Variants in R3HCC1L observed in about 807,000 individuals in gnomAD.
R3HCC1L encodes the protein coiled-coil domain-containing protein R3HCC1L.
R3HCC1L carries 51 observed loss-of-function variants against 59.9 expected under a neutral mutation model. The observed-to-expected ratio is 0.85, with a 90% CI of 0.68 to 1.07. The LOEUF is 1.07. Among genes scored for constraint, R3HCC1L ranks in the 50% least tolerant of loss-of-function variants. R3HCC1L has a pLI of 0.00. For synonymous variants in R3HCC1L, 322 were observed against 315.2 expected (o/e 1.02, Z -0.23); for missense variants, 965 against 933.0 (o/e 1.03, Z -0.45).
chr10:98,235,937 G>C (rs1856891429), intron 8 of R3HCC1L, 87 bp from the exon 9 acceptor site: 6 of 1,404,010 alleles, frequency 4.3e-6, no homozygotes, highest in Non-Finnish European at 5.9e-6. Flanking sequence ...AGTCTATTTT[G>C]TATGTTAATT....
At chr10:98,166,242 A>G (rs573368108) in intron 4 of R3HCC1L, among the ~76,000 whole-genome samples, 11 of 152,324 alleles carry the variant, frequency 7.2e-5, no homozygotes, top group African/African-American at 2.6e-4. Flanking sequence ...TGAGAATACA[A>G]TGGGAAATCA....
At chr10:98,154,355 C>T (rs1375254970) in intron 1 of R3HCC1L, among the ~76,000 whole-genome samples, 5 of 152,022 alleles carry the variant, frequency 3.3e-5, no homozygotes, top group Non-Finnish European at 4.4e-5. Context: ...CTGGTGTGTG[C>T]AGATATATAT....
At chr10:98,213,606 CAA>C (rs779713136) in intron 5 of R3HCC1L, among the ~76,000 whole-genome samples, 28 of 152,228 alleles carry the variant, frequency 1.8e-4, no homozygotes, top group Non-Finnish European at 3.5e-4. Context: ...TAGAATTAAA[CAA>C]GAGATTATAG....
rs576428522 is a variant in R3HCC1L, at chr10:98,214,915, C to G, written c.1785+5016C>G. On this transcript the variant is annotated intron_variant, in intron 5 of 9. Transcript: ENST00000298999. ...ACATTGATTTAGCGGTCTAGTCTAG[C>G]TCTAGTCTAGTCTAGCCTACAATCT... Among the ~76,000 whole-genome samples the G allele has an allele frequency of 9.2e-5, 14 of 152,298 alleles. No individual in the cohort carries two copies. In the South Asian group the frequency reaches 1.0e-3, roughly 11 times the overall value.
At chr10:98,164,660 C>A (rs1038088035) in intron 4 of R3HCC1L, among the ~76,000 whole-genome samples, 1 of 152,040 alleles carries the variant, frequency 6.6e-6, no homozygotes, top group South Asian at 2.1e-4. Context: ...ACTGTGCTGT[C>A]CCACAAGAGT....
intron 1 of R3HCC1L, among the ~76,000 whole-genome samples, chr10:98,137,128 T>C (rs1844678294): frequency 6.6e-6 from 1 of 151,828 alleles, no homozygotes; most frequent in Admixed American, 6.5e-5. Flanking sequence ...GGGGAATCGC[T>C]TGAACTCGGG....
intron 5 of R3HCC1L, among the ~76,000 whole-genome samples, chr10:98,214,178 T>C (rs1853904618): frequency 6.6e-6 from 1 of 152,192 alleles, no homozygotes; most frequent in African/African-American, 2.4e-5. Flanking sequence ...TAATTTCTGA[T>C]CCTCTTTCAA....
Position 98,209,342 on chromosome 10 carries a change from C to G in R3HCC1L, c.1228C>G (p.Arg410Gly), listed in dbSNP as rs748850782. The G allele has an allele frequency of 6.8e-6, 11 of 1,613,860 alleles. No homozygotes were observed. The highest frequency in any genetic ancestry group is 1.6e-4 in the Middle Eastern group (1 of 6,082). ...AGCTGATGAGACCTCTATTAATACA[C>G]GAAGTTTCTCAAAGTTTGTAGGAAT... ...RIADETSINT[R>G]SFSKFVGMSA... The change falls in exon 5 of 10, where the codon CGA becomes GGA. Residue 410 changes from arginine (R) to glycine (G), a missense_variant. Arg to Gly is a moderately radical substitution (Grantham distance 125). Coordinates refer to ENST00000298999, the MANE Select transcript of R3HCC1L (RefSeq NM_001351015.2).
chr10:98,173,386 G>T (rs72826261), intron 4 of R3HCC1L, among the ~76,000 whole-genome samples: 1 of 151,964 alleles, frequency 6.6e-6, no homozygotes, highest in African/African-American at 2.4e-5. Context: ...CTCAGCTCCT[G>T]CTCTTTGTTC....
intron 9 of R3HCC1L, among the ~76,000 whole-genome samples, chr10:98,243,291 T>A (rs1326427483): frequency 3.3e-5 from 5 of 152,230 alleles, no homozygotes; most frequent in Non-Finnish European, 5.9e-5. Flanking sequence ...GCTTACCATC[T>A]ATGATGTAGG....
intron 4 of R3HCC1L, among the ~76,000 whole-genome samples, chr10:98,182,416 C>G (rs1279712223): frequency 5.3e-5 from 8 of 152,126 alleles, no homozygotes; most frequent in African/African-American, 1.9e-4. Context: ...AGCTTCATCT[C>G]AGAGGGGCAC....
In R3HCC1L at chr10:98,241,229, A is replaced by C. The variant is rs367584834; in HGVS notation, c.2270-2862A>C. Among the ~76,000 whole-genome samples the C allele has an allele frequency of 3.3e-5, 5 of 152,266 alleles. No individual in the cohort carries two copies. In the East Asian group the frequency reaches 5.8e-4, roughly 18 times the overall value. ...GCGTTCTTCACAAAGCATGTTGTCT[A>C]TTGTTCTGTATGTGACTACAGTAGA... On this transcript the variant is annotated intron_variant, in intron 9 of 9. Coordinates refer to ENST00000298999, the MANE Select transcript of R3HCC1L (RefSeq NM_001351015.2).
At chr10:98,227,219 C>G (rs1855765697) in intron 5 of R3HCC1L, among the ~76,000 whole-genome samples, 1 of 152,156 alleles carries the variant, frequency 6.6e-6, no homozygotes, top group Non-Finnish European at 1.5e-5. Flanking sequence ...ATGCACTTAT[C>G]TATGAAGTAT....
intron 4 of R3HCC1L, among the ~76,000 whole-genome samples, chr10:98,187,915 T>C (rs1205276492): frequency 6.6e-6 from 1 of 150,896 alleles, no homozygotes; most frequent in Non-Finnish European, 1.5e-5. Flanking sequence ...TAAAAAACAA[T>C]TTTTTTTTGT....
chr10:98,190,897 TGTG>T (rs1036004389), intron 4 of R3HCC1L, among the ~76,000 whole-genome samples: 2 of 137,650 alleles, frequency 1.5e-5, no homozygotes, highest in African/African-American at 5.4e-5. Context: ...AGTGAGAACA[TGTG>T]GTGTTTGGTT....
In R3HCC1L at chr10:98,234,526, C is replaced by G. The variant is rs776092493; in HGVS notation, c.2032+10C>G. On this transcript the variant is annotated intron_variant, in intron 7 of 9. Coordinates refer to ENST00000298999, the MANE Select transcript of R3HCC1L (RefSeq NM_001351015.2). ...TCCAGTCCAATTACAGGTATTCACC[C>G]AGTGGCTTTCAATCTTCCTTTCTTA... is the stretch of plus-strand genomic sequence containing the variant. 2.5e-6 allele frequency: 4 copies of G among 1,603,408 alleles called. No individual in the cohort carries two copies. The highest frequency in any genetic ancestry group is 3.4e-6 in the Non-Finnish European group (4 of 1,172,130).
intron 1 of R3HCC1L, among the ~76,000 whole-genome samples, chr10:98,137,714 A>G (rs1844735791): frequency 6.6e-6 from 1 of 152,142 alleles, no homozygotes; most frequent in Non-Finnish European, 1.5e-5. Context: ...AGAGATTCCA[A>G]ATGTTGCTTT....
At chr10:98,188,580 T>G (rs1431114324) in intron 4 of R3HCC1L, among the ~76,000 whole-genome samples, 1 of 152,218 alleles carries the variant, frequency 6.6e-6, no homozygotes, top group Non-Finnish European at 1.5e-5. Context: ...GGTGTTCCTT[T>G]GGCTTTTCAT....
intron 5 of R3HCC1L, among the ~76,000 whole-genome samples, chr10:98,224,054 T>G (rs1293531320): frequency 6.6e-6 from 1 of 152,016 alleles, no homozygotes; most frequent in African/African-American, 2.4e-5. Context: ...GAATGCAGGC[T>G]GTGGCAAGTG....
Sources: allele counts gnomAD v4.1 joint callset (sites outside exome capture counted in the v4.1 genomes callset), GRCh38; gene constraint gnomAD v4.1.1; transcripts MANE v1.5; gene names NCBI Gene and HGNC (gene_info 2026-07-23, HGNC 2026-07-21).